DIP2C: variants seen among roughly 807,000 people sequenced by gnomAD.
DIP2C encodes disco-interacting protein 2 homolog C.
A neutral mutation model predicts 192.4 loss-of-function variants in DIP2C; 33 were observed. That is an observed-to-expected ratio of 0.17 (90% CI 0.13 to 0.23). The LOEUF (loss-of-function observed/expected upper bound fraction) is 0.23. Ranked by LOEUF, DIP2C falls within the 10% of genes least tolerant of loss-of-function variation. DIP2C has a pLI of 1.00. For missense variants in DIP2C, 1,537 were observed against 2,110.1 expected, an observed-to-expected ratio of 0.73 and a Z score of 5.32; for synonymous variants, 979 against 864.1, an observed-to-expected ratio of 1.13 and a Z score of -2.33.
intron 1 of DIP2C, among the ~76,000 whole-genome samples, chr10:513,392 G>T (rs953415051): frequency 3.9e-5 from 6 of 152,212 alleles, no homozygotes; most frequent in Admixed American, 3.9e-4. Flanking sequence ...TTCCCTCAAG[G>T]ACGGAAGTCT....
chr10:687,108 ATAAT>A (rs2119115939), intron 1 of DIP2C, among the ~76,000 whole-genome samples: 1 of 152,386 alleles, frequency 6.6e-6, no homozygotes, highest in Non-Finnish European at 1.5e-5. Context: ...AAGATGGGAA[ATAAT>A]TCAGCATTAA....
At position 329,595 on chromosome 10, in the gene DIP2C, A is replaced by G; in HGVS notation, c.3591T>C (p.Tyr1197=). The change falls in exon 30 of 37, where the codon TAT becomes TAC. Residue 1197 remains tyrosine (Y), a synonymous_variant. Coordinates refer to ENST00000280886, the MANE Select transcript of DIP2C (RefSeq NM_014974.3). ...GGATCAGGATGGACTGGTGCCCAGA[A>G]TACACACTGCAGAGAAAGAAGAGGC... The part of the protein sequence containing the change: ...GFVLWCLCSV[Y]SGHQSILIPP... 6.2e-7 allele frequency: 1 copy of G among 1,614,016 alleles called. No individual in the cohort carries two copies. Among genetic ancestry groups the G allele is most frequent in the Non-Finnish European group, 8.5e-7 (1 of 1,179,922 alleles).
At chr10:644,893 T>A (rs1296906017) in intron 1 of DIP2C, among the ~76,000 whole-genome samples, 2 of 152,168 alleles carry the variant, frequency 1.3e-5, no homozygotes, top group East Asian at 3.8e-4. Context: ...AAAAGTCGCA[T>A]GGGAAAGTGA....
chr10:363,130 T>G lies in DIP2C; in HGVS notation c.2592+67A>C. 3.5e-6 allele frequency: 5 copies of G among 1,420,524 alleles called. No individual in the cohort carries two copies. In the South Asian group the frequency reaches 6.0e-5, roughly 17 times the overall value. The allele number at this position is 1,420,524 out of a possible 1,614,324, so 88.0% of individuals were successfully genotyped here. The stretch of plus-strand genomic sequence containing the variant: ...AAAGCAACAGCTGGTCACACCATGA[T>G]CTGAATGAAGTAAGGAGGCCAGAAA... On this transcript the variant is annotated intron_variant, in intron 21 of 36. Coordinates refer to ENST00000280886, the MANE Select transcript of DIP2C (RefSeq NM_014974.3). The surrounding 1 kb of genome is among the most constrained non-coding windows in gnomAD (Gnocchi z 5.4).
At chr10:409,301 T>C (rs1392054410) in intron 8 of DIP2C, among the ~76,000 whole-genome samples, 2 of 149,014 alleles carry the variant, frequency 1.3e-5, no homozygotes, top group African/African-American at 2.5e-5. Flanking sequence ...CTGTCTGTGA[T>C]GTGGGGGTGG....
intron 16 of DIP2C, 62 bp from the exon 17 acceptor site, chr10:382,823 A>G (rs1962499568): frequency 8.0e-7 from 1 of 1,246,682 alleles, no homozygotes; most frequent in Non-Finnish European, 1.1e-6. Context: ...ACAAAATCCC[A>G]CCATAGAAAA....
chr10:486,962 G>C (rs894436632), intron 1 of DIP2C, among the ~76,000 whole-genome samples: 6 of 152,250 alleles, frequency 3.9e-5, no homozygotes, highest in Admixed American at 2.0e-4. Flanking sequence ...TTCTAACCAA[G>C]CAGGTCGGTC....
At chr10:638,072 G>A (rs1451646082) in intron 1 of DIP2C, among the ~76,000 whole-genome samples, 1 of 152,188 alleles carries the variant, frequency 6.6e-6, no homozygotes, top group Non-Finnish European at 1.5e-5. Flanking sequence ...CACAGCCCCG[G>A]CCAGGTGTGT....
At chr10:551,466 T>C (rs960318224) in intron 1 of DIP2C, among the ~76,000 whole-genome samples, 1 of 151,868 alleles carries the variant, frequency 6.6e-6, no homozygotes, top group Non-Finnish European at 1.5e-5. Flanking sequence ...GCCAATAACC[T>C]AGCAAGGGAA....
intron 1 of DIP2C, among the ~76,000 whole-genome samples, chr10:568,395 AG>A (rs1165636356): frequency 6.6e-6 from 1 of 152,138 alleles, no homozygotes; most frequent in Non-Finnish European, 1.5e-5. Flanking sequence ...CCCAAATGAG[AG>A]CAAAAAGAAA....
chr10:581,312 G>A (rs1045338282), intron 1 of DIP2C, among the ~76,000 whole-genome samples: 1 of 152,210 alleles, frequency 6.6e-6, no homozygotes, highest in Non-Finnish European at 1.5e-5. Context: ...CTAAATGAGA[G>A]ATGGCAAGTA....
intron 1 of DIP2C, among the ~76,000 whole-genome samples, chr10:671,360 C>A (rs998071046): frequency 3.3e-5 from 5 of 151,136 alleles, no homozygotes; most frequent in Non-Finnish European, 7.4e-5. Flanking sequence ...CACAGACGCA[C>A]GGACGGAGGA....
intron 17 of DIP2C, among the ~76,000 whole-genome samples, chr10:378,752 C>A (rs1564636262): frequency 6.6e-6 from 1 of 151,960 alleles, no homozygotes; most frequent in Non-Finnish European, 1.5e-5. Flanking sequence ...CACATGTGAA[C>A]ACATGCCTAG....
chr10:626,027 C>T (rs1012188618), intron 1 of DIP2C, among the ~76,000 whole-genome samples: 12 of 152,198 alleles, frequency 7.9e-5, no homozygotes, highest in African/African-American at 2.7e-4. Flanking sequence ...TCCCCACATA[C>T]GAAGCTATTT....
chr10:589,996 G>A (rs116054632), intron 1 of DIP2C, among the ~76,000 whole-genome samples: 3 of 152,268 alleles, frequency 2.0e-5, no homozygotes, highest in Admixed American at 6.5e-5. Context: ...TTGACTAGAA[G>A]AGAAATACCT....
intron 8 of DIP2C, among the ~76,000 whole-genome samples, chr10:413,447 G>A (rs943078513): frequency 6.6e-6 from 1 of 152,198 alleles, no homozygotes; most frequent in African/African-American, 2.4e-5. Context: ...AATCACACAT[G>A]TATTTAAGAT....
chr10:676,520 C>T (rs1418357486), intron 1 of DIP2C, among the ~76,000 whole-genome samples: 2 of 151,354 alleles, frequency 1.3e-5, no homozygotes, highest in African/African-American at 2.4e-5. Context: ...AAAAAAGACT[C>T]CAGCAAAAAT....
chr10:565,334 A>C (rs1178280083), intron 1 of DIP2C, among the ~76,000 whole-genome samples: 2 of 145,538 alleles, frequency 1.4e-5, no homozygotes, highest in African/African-American at 5.4e-5. Flanking sequence ...TCCTAAAAAT[A>C]TGAAACAGTA....
intron 32 of DIP2C, among the ~76,000 whole-genome samples, chr10:307,831 C>G (rs566087722): frequency 2.7e-5 from 4 of 150,056 alleles, no homozygotes; most frequent in Admixed American, 1.3e-4. Flanking sequence ...TGGGCGGGGC[C>G]CGGCACACAG....
Sources: gnomAD v4.1 joint callset for allele counts (sites outside exome capture counted in the v4.1 genomes callset) on GRCh38, gnomAD v4.1.1 for gene constraint, Gnocchi (gnomAD v3.1) non-coding constraint, MANE v1.5 for transcripts, NCBI Gene and HGNC (gene_info 2026-07-23, HGNC 2026-07-21) for gene names.